Variants in BIRC6 observed in about 807,000 individuals in gnomAD.
BIRC6 encodes dual E2 ubiquitin-conjugating enzyme/E3 ubiquitin-protein ligase BIRC6.
BIRC6 carries 98 observed loss-of-function variants against 503.3 expected under a neutral mutation model. That is an observed-to-expected ratio of 0.19 (90% CI 0.17 to 0.23). The LOEUF (loss-of-function observed/expected upper bound fraction) is 0.23, where lower values mean the gene tolerates loss of function less well. BIRC6 is among the 10% of genes least tolerant of loss of function. The pLI is 1.00. For synonymous variants in BIRC6, 2,240 were observed against 2,078.7 expected (o/e 1.08, Z -2.11); for missense variants, 5,360 against 5,806.0 (o/e 0.92, Z 2.50).
At chr2:32,480,583 A>G (rs2050270798) in intron 37 of BIRC6, among the ~76,000 whole-genome samples, 2 of 148,258 alleles carry the variant, frequency 1.3e-5, no homozygotes, top group African/African-American at 5.0e-5. Context: ...CTGAGAGACA[A>G]TAATTTCTAA....
intron 44 of BIRC6, 117 bp downstream of exon 44, chr2:32,491,675 A>G (rs560950758): frequency 4.5e-6 from 5 of 1,104,992 alleles, no homozygotes; most frequent in Admixed American, 5.3e-5. Context: ...TTATGTATCA[A>G]TATAATAAAA....
intron 61 of BIRC6, among the ~76,000 whole-genome samples, chr2:32,540,979 C>G (rs1233841401): frequency 1.3e-5 from 2 of 151,942 alleles, no homozygotes; most frequent in East Asian, 1.9e-4. Context: ...TTCTGATTTT[C>G]GTGAAGTTGA....
intron 19 of BIRC6, among the ~76,000 whole-genome samples, chr2:32,443,220 C>T (rs1339249823): frequency 1.3e-5 from 2 of 152,170 alleles, no homozygotes; most frequent in Non-Finnish European, 2.9e-5. Flanking sequence ...AAGGTTCCTA[C>T]TTGCTACTGT....
intron 10 of BIRC6, among the ~76,000 whole-genome samples, chr2:32,418,678 A>G (rs1458790193): frequency 6.6e-6 from 1 of 152,262 alleles, no homozygotes; most frequent in Admixed American, 6.5e-5. Context: ...CAGAAATGCA[A>G]TAAGGGTTTT....
chr2:32,480,894 C>T (rs2050325997), intron 37 of BIRC6, among the ~76,000 whole-genome samples: 2 of 152,024 alleles, frequency 1.3e-5, no homozygotes, highest in Admixed American at 1.3e-4. Context: ...CCTGCCTCGG[C>T]CTCCCAAAGT....
intron 6 of BIRC6, among the ~76,000 whole-genome samples, chr2:32,397,800 G>GTAT (rs2040138107): frequency 6.6e-6 from 1 of 151,858 alleles, no homozygotes. Context: ...AAGTTATACA[G>GTAT]TATTATCAAA....
In BIRC6 at chr2:32,441,422, A is replaced by G; in HGVS notation, c.3904A>G (p.Thr1302Ala). ...TGATTTACTTCAAGAGGTCTCAGTC[A>G]CCATTCGAAGATTTAAGAAAACCTC... ...GCDLLQEVSV[T>A]IRRFKKTSIS... Residue 1302 changes from threonine to alanine, a missense_variant, in exon 17 of 74, where the codon ACC becomes GCC. Thr to Ala is a moderately conservative substitution (Grantham distance 58). Around this residue, in one of 16 missense-constraint regions of BIRC6, gnomAD observed 2,299 missense variants for 2,267.2 expected, o/e 1.01. Transcript: ENST00000421745. 6.2e-7 allele frequency: 1 copy of G among 1,610,904 alleles called. No homozygotes were observed.
chr2:32,487,897 A>T, intron 41 of BIRC6, 96 bp downstream of exon 41: 1 of 1,040,676 alleles, frequency 9.6e-7, no homozygotes, highest in South Asian at 1.7e-5. Context: ...CCTGTCAGGG[A>T]TGATTTCTTT....
chr2:32,612,174 A>G (rs926301663), intron 73 of BIRC6, among the ~76,000 whole-genome samples: 3 of 152,098 alleles, frequency 2.0e-5, no homozygotes, highest in Admixed American at 1.3e-4. Flanking sequence ...GACTTGAAGG[A>G]CTTCTTTTAT....
At chr2:32,565,603 A>G (rs1451880155) in intron 65 of BIRC6, 1 of 152,188 alleles carries the variant, frequency 6.6e-6, no homozygotes, top group Non-Finnish European at 1.5e-5. Context: ...ATATTTCTTT[A>G]TAGGAAATCT....
chr2:32,503,415 T>G (rs1271776220), intron 49 of BIRC6, among the ~76,000 whole-genome samples, 179 bp downstream of exon 49: 4 of 67,734 alleles, frequency 5.9e-5, no homozygotes, highest in African/African-American at 1.4e-4. Context: ...ATGCTTTGTT[T>G]GTTTGTTTGT....
At chr2:32,608,787 G>T (rs1355311317) in intron 72 of BIRC6, among the ~76,000 whole-genome samples, 1 of 152,070 alleles carries the variant, frequency 6.6e-6, no homozygotes, top group Non-Finnish European at 1.5e-5. Flanking sequence ...ATTTCTCATT[G>T]AACTGTTTTT....
intron 3 of BIRC6, among the ~76,000 whole-genome samples, chr2:32,382,046 G>C (rs867188255): frequency 3.3e-4 from 50 of 152,130 alleles, no homozygotes; most frequent in African/African-American, 1.2e-3. Context: ...TTTATTGTAA[G>C]AAATTAACTG....
chr2:32,439,418 G>C, intron 15 of BIRC6, 90 bp from the exon 16 acceptor site: 1 of 1,269,644 alleles, frequency 7.9e-7, no homozygotes, highest in Non-Finnish European at 1.1e-6. Context: ...TTTTTGTGGA[G>C]TTAGTTGTTG....
rs1038178263 is a variant in BIRC6, at chr2:32,618,668, C to G, written c.*764C>G. ...AGGAATGGTCAATTTGAAAGTCATTCTAAACTGATTTTTTTTTTCTAAAGG... is the reference window on the plus strand; with the variant it reads ...AGGAATGGTCAATTTGAAAGTCATTGTAAACTGATTTTTTTTTTCTAAAGG... On this transcript the variant is annotated 3_prime_UTR_variant, in exon 74 of 74. Coordinates refer to ENST00000421745, the MANE Select transcript of BIRC6 (RefSeq NM_016252.4). The G allele has an allele frequency of 2.0e-5, 3 of 152,426 alleles. No individual in the cohort carries two copies. The highest frequency in any genetic ancestry group is 4.4e-5 in the Non-Finnish European group (3 of 68,006). The allele number at this position is 152,426 out of a possible 1,614,324, so 9.4% of individuals were successfully genotyped here.
At chr2:32,503,276 T>C (rs1472554931) in intron 49 of BIRC6, 40 bp downstream of exon 49, 2 of 1,521,866 alleles carry the variant, frequency 1.3e-6, no homozygotes, top group South Asian at 1.3e-5. Flanking sequence ...TGTGAAATTA[T>C]CTAGTTTATT....
chr2:32,401,705 A>G (rs2040612301), intron 8 of BIRC6, 82 bp downstream of exon 8: 1 of 1,271,466 alleles, frequency 7.9e-7, no homozygotes, highest in African/African-American at 1.5e-5. Context: ...TAATAATTAA[A>G]GAGGAGGAAA....
At position 32,479,552 on chromosome 2, in the gene BIRC6, C is replaced by T; in HGVS notation, c.7343C>T (p.Ser2448Phe). Residue 2448 changes from serine (S) to phenylalanine (F), a missense_variant, in exon 37 of 74, where the codon TCC becomes TTC. Around this residue, in one of 16 missense-constraint regions of BIRC6, gnomAD observed 2,299 missense variants for 2,267.2 expected, o/e 1.01. Coordinates refer to ENST00000421745, the MANE Select transcript of BIRC6 (RefSeq NM_016252.4). ...VGATAGDSDD[S>F]LQQSSVQLLE... ...GCGACAGCTGGTGACTCTGATGACT[C>T]CCTTCAACAGTCCTCAGTTCAGTTG... is the stretch of plus-strand genomic sequence containing the variant. The T allele has an allele frequency of 2.5e-6, 4 of 1,608,508 alleles. No individual in the cohort carries two copies. Among genetic ancestry groups the T allele is most frequent in the Non-Finnish European group, 3.4e-6 (4 of 1,177,012 alleles).
intron 12 of BIRC6, 58 bp downstream of exon 12, chr2:32,431,148 C>A: frequency 3.4e-6 from 2 of 583,100 alleles, no homozygotes; most frequent in Non-Finnish European, 5.9e-6. Context: ...TTGTCAGAGA[C>A]AACGTAGAAT....
Sources: allele counts gnomAD v4.1 joint callset (sites outside exome capture counted in the v4.1 genomes callset), GRCh38; gene constraint gnomAD v4.1.1; regional missense constraint gnomAD v4.1.1; transcripts MANE v1.5; gene names NCBI Gene and HGNC (gene_info 2026-07-23, HGNC 2026-07-21).